The following TBC1D26 variants were observed in gnomAD, a reference collection of about 807,000 sequenced individuals.
The protein encoded by TBC1D26 is TBC1 domain family member 26.
TBC1D26 carries 19 observed loss-of-function variants against 42.5 expected under a neutral mutation model. That is an observed-to-expected ratio of 0.45 (90% CI 0.31 to 0.66). The LOEUF is 0.66. Ranked by LOEUF, TBC1D26 falls within the 30% of genes least tolerant of loss-of-function variation. TBC1D26 has a pLI of 0.06. For synonymous variants in TBC1D26, 97 were observed against 123.5 expected (o/e 0.79, Z 1.42); for missense variants, 228 against 332.6 (o/e 0.69, Z 2.45).
At chr17:15,739,591 T>A (rs1355190556) in intron 8 of TBC1D26, among the ~76,000 whole-genome samples, 1 of 152,268 alleles carries the variant, frequency 6.6e-6, no homozygotes. Context: ...CCCAACAGGC[T>A]ACCACCATGG....
chr17:15,739,745 G>A (rs1314254901), intron 8 of TBC1D26, among the ~76,000 whole-genome samples: 24 of 152,274 alleles, frequency 1.6e-4, no homozygotes, highest in African/African-American at 5.5e-4. Flanking sequence ...AGCCGCTCTG[G>A]GAGGGGCTGC....
intron 8 of TBC1D26, among the ~76,000 whole-genome samples, chr17:15,739,401 T>C (rs1327483853): frequency 6.6e-6 from 1 of 152,290 alleles, no homozygotes; most frequent in African/African-American, 2.4e-5. Context: ...CGTTCACCGC[T>C]TGATTGATTG....
At chr17:15,741,807 A>G in intron 10 of TBC1D26, 135 bp from the exon 11 acceptor site, 1 of 768,536 alleles carries the variant, frequency 1.3e-6, no homozygotes, top group Non-Finnish European at 2.1e-6. Flanking sequence ...GGCTGAGGCT[A>G]CATGCTGGGG....
At chr17:15,736,768 G>A (rs1967624128) in intron 4 of TBC1D26, among the ~76,000 whole-genome samples, 1 of 152,282 alleles carries the variant, frequency 6.6e-6, no homozygotes, top group African/African-American at 2.4e-5. Context: ...TGTCTCCCCA[G>A]CAGTGCTGGG....
chr17:15,736,006 C>T (rs1328057010), intron 4 of TBC1D26, among the ~76,000 whole-genome samples: 1 of 151,958 alleles, frequency 6.6e-6, no homozygotes, highest in East Asian at 1.9e-4. Flanking sequence ...TTGGGGCCTG[C>T]CTTGGTGAGA....
Position 15,744,249 on chromosome 17 carries a change from T to C in TBC1D26, c.1064T>C (p.Leu355Ser), listed in dbSNP as rs751591675. The C allele has an allele frequency of 6.6e-6, 1 of 152,192 alleles. No homozygotes were observed. Among genetic ancestry groups the C allele is most frequent in the Non-Finnish European group, 1.5e-5 (1 of 68,056 alleles). The allele number at this position is 152,192 out of a possible 1,614,324, so 9.4% of individuals were successfully genotyped here. Residue 355 changes from leucine (L) to serine (S), a missense_variant, in exon 15 of 15, where the codon TTG (leucine) becomes TCG (serine). Physicochemically the swap from Leu to Ser is moderately radical, Grantham distance 145 (BLOSUM62 -2). Coordinates refer to ENST00000437605, the MANE Select transcript of TBC1D26 (RefSeq NM_001388465.1). Reference sequence around the variant, plus strand: ...TGACTCTCCAATCACGCAGGGAGCTTGCTACAAAATGCACATTGCTATACC... The same window carrying C: ...TGACTCTCCAATCACGCAGGGAGCTCGCTACAAAATGCACATTGCTATACC... ...KHWDLPPPGSLLQNAHCYTIA... is the reference protein window; with the variant it reads ...KHWDLPPPGSSLQNAHCYTIA...
chr17:15,744,463 G>A lies in TBC1D26; in HGVS notation c.1278G>A (p.Met426Ile), dbSNP rs1967867281. Residue 426 changes from methionine (M) to isoleucine (I), a missense_variant, in exon 15 of 15, where the codon ATG becomes ATA. Around this residue, in one of 5 missense-constraint regions of TBC1D26, gnomAD observed 130 missense variants for 168.5 expected, o/e 0.77. Transcript: ENST00000437605. ...QSQKEMKCEC[M>I]AFLTPRQNFG... ...AAAAAGAGATGAAATGTGAGTGCAT[G>A]GCCTTCCTGACACCCAGACAAAACT... 1 of 152,206 alleles carries A rather than the reference G, an allele frequency of 6.6e-6. No individual in the cohort carries two copies. Among genetic ancestry groups the A allele is most frequent in the Non-Finnish European group, 1.5e-5 (1 of 68,054 alleles). 9.4% of individuals were successfully genotyped at this position (152,206 alleles called of 1,614,324 possible).
chr17:15,737,709 C>T, intron 5 of TBC1D26, 186 bp downstream of exon 5: 1 of 983,816 alleles, frequency 1.0e-6, no homozygotes, highest in East Asian at 2.6e-5. Context: ...AAACCAAGAA[C>T]TGCAGTCCTG....
chr17:15,740,058 G>GCA (rs763065049), intron 8 of TBC1D26, 42 bp from the exon 9 acceptor site: 107 of 1,580,754 alleles, frequency 6.8e-5, no homozygotes, highest in Admixed American at 4.2e-4. Flanking sequence ...GACAGCGTCT[G>GCA]CACACACACA....
intron 1 of TBC1D26, among the ~76,000 whole-genome samples, chr17:15,733,304 C>T (rs1364372128): frequency 3.3e-5 from 5 of 152,128 alleles, no homozygotes; most frequent in Admixed American, 6.5e-5. Context: ...CTTAGAGCCT[C>T]CTTGCCTCCA....
At chr17:15,744,107 T>C (rs1482775011) in intron 14 of TBC1D26, 136 bp from the exon 15 acceptor site, 22 of 152,050 alleles carry the variant, frequency 1.4e-4, no homozygotes, top group Admixed American at 1.4e-3. Flanking sequence ...ATATGTGGGG[T>C]TGCTGGGAGA....
chr17:15,740,073 A>G lies in TBC1D26; in HGVS notation c.498-27A>G. ...GACAGCGTCTGCACACACACAAAAA[A>G]AAAACCCTCTTTCCCCTCTTTTCTA... On this transcript the variant is annotated intron_variant, in intron 8 of 14. Coordinates refer to ENST00000437605, the MANE Select transcript of TBC1D26 (RefSeq NM_001388465.1). 3 of 1,602,506 alleles carry G rather than the reference A, an allele frequency of 1.9e-6. No individual in the cohort carries two copies. In the East Asian group the frequency reaches 6.7e-5, roughly 36 times the overall value.
intron 9 of TBC1D26, chr17:15,740,647 A>G: frequency 9.3e-7 from 1 of 1,079,138 alleles, no homozygotes; most frequent in Non-Finnish European, 1.1e-6. Flanking sequence ...CCAGGCAGGG[A>G]GAGCTGCTGA....
chr17:15,740,486 A>G (rs1967748484), intron 9 of TBC1D26: 1 of 1,271,208 alleles, frequency 7.9e-7, no homozygotes, highest in Non-Finnish European at 9.9e-7. Flanking sequence ...TTGTCATGAA[A>G]TGAGTTTGCA....
At chr17:15,738,149 C>A (rs1470904372) in intron 6 of TBC1D26, 72 bp downstream of exon 6, 12 of 1,612,314 alleles carry the variant, frequency 7.4e-6, no homozygotes, top group South Asian at 6.6e-5. Flanking sequence ...ATGGTTGTGA[C>A]CTGGCACCGT....
chr17:15,741,276 C>T (rs748116058), intron 10 of TBC1D26, 55 bp downstream of exon 10: 8 of 1,609,836 alleles, frequency 5.0e-6, no homozygotes, highest in Non-Finnish European at 6.8e-6. Context: ...CCTTACACAG[C>T]CATGCCAGGG....
intron 9 of TBC1D26, 97 bp from the exon 10 acceptor site, chr17:15,741,025 C>T: frequency 4.6e-6 from 7 of 1,526,402 alleles, no homozygotes; most frequent in South Asian, 1.2e-5. Flanking sequence ...AGGCAGGTGT[C>T]CCCAAAGACC....
intron 7 of TBC1D26, 86 bp downstream of exon 7, chr17:15,738,473 C>G (rs1241517736): frequency 1.3e-6 from 2 of 1,524,842 alleles, no homozygotes; most frequent in African/African-American, 2.7e-5. Context: ...GAACGTTGAG[C>G]CTGGGTTGGG....
In TBC1D26 at chr17:15,740,983, C is replaced by A. The variant is rs1478512945; in HGVS notation, c.547-139C>A. 5.3e-6 allele frequency: 6 copies of A among 1,127,922 alleles called. No homozygotes were observed. The East Asian group carries it at 1.5e-4, about 27-fold the overall frequency. The allele number at this position is 1,127,922 out of a possible 1,614,324, so 69.9% of individuals were successfully genotyped here. On this transcript the variant is annotated intron_variant, in intron 9 of 14. Coordinates refer to ENST00000437605, the MANE Select transcript of TBC1D26 (RefSeq NM_001388465.1). ...CATGTCCAGTGCCAGGGGAGGGGTG[C>A]AGAGGCTGCACCTCAAATCCCCTGG...
Sources: gnomAD v4.1 joint callset for allele counts (sites outside exome capture counted in the v4.1 genomes callset) on GRCh38, gnomAD v4.1.1 for gene constraint, gnomAD v4.1.1 regional missense constraint, MANE v1.5 for transcripts, NCBI Gene and HGNC (gene_info 2026-07-23, HGNC 2026-07-21) for gene names.